The following STK31 variants were observed in gnomAD, a reference collection of about 807,000 sequenced individuals.
STK31 encodes the protein serine/threonine-protein kinase 31.
In STK31, 89 loss-of-function variants were observed where a neutral mutation model predicts 129.7. The observed-to-expected ratio is 0.69, with a 90% CI of 0.58 to 0.82. The LOEUF (loss-of-function observed/expected upper bound fraction) is 0.82. Ranked by LOEUF, STK31 falls within the 40% of genes least tolerant of loss-of-function variation. The pLI is 0.00. For missense variants in STK31, 1,187 were observed against 1,176.4 expected, an observed-to-expected ratio of 1.01 and a Z score of -0.13; for synonymous variants, 448 against 395.3, an observed-to-expected ratio of 1.13 and a Z score of -1.58.
At chr7:23,774,146 G>A (rs990212008) in intron 15 of STK31, among the ~76,000 whole-genome samples, 2 of 152,192 alleles carry the variant, frequency 1.3e-5, no homozygotes, top group Admixed American at 1.3e-4. Context: ...ATTCCATGGT[G>A]TATATGTGCC....
At chr7:23,754,279 T>TATTG in intron 9 of STK31, 36 bp from the exon 10 acceptor site, 1 of 1,592,550 alleles carries the variant, frequency 6.3e-7, no homozygotes, top group Non-Finnish European at 8.5e-7. Context: ...CTTTCTAATT[T>TATTG]ATTGATCTTC....
chr7:23,825,427 G>T lies in STK31; in HGVS notation c.2830-6709G>T, dbSNP rs529835272. On this transcript the variant is annotated intron_variant, in intron 23 of 23. Coordinates refer to ENST00000355870, the MANE Select transcript of STK31 (RefSeq NM_031414.5). ...TTCTCTGATGGTAGTTTGTATTTCT[G>T]TGGGATCACTGGTGATATCCCCTTT... 2.6e-5 allele frequency among the ~76,000 whole-genome samples: 4 copies of T among 152,218 alleles called. No homozygotes were observed. In the South Asian group the frequency reaches 8.3e-4, roughly 32 times the overall value.
At chr7:23,809,873 T>A (rs1584483322) in intron 22 of STK31, among the ~76,000 whole-genome samples, 1 of 152,316 alleles carries the variant, frequency 6.6e-6, no homozygotes, top group East Asian at 1.9e-4. Flanking sequence ...ATATATCATC[T>A]AGGTTTGTGT....
At chr7:23,772,030 ATT>A in intron 14 of STK31, 115 bp from the exon 15 acceptor site, 1 of 638,648 alleles carries the variant, frequency 1.6e-6, no homozygotes. Flanking sequence ...TTTTCTTGGT[ATT>A]TCAGTCTGAA....
At chr7:23,807,877 A>G (rs979837726) in intron 22 of STK31, among the ~76,000 whole-genome samples, 5 of 151,850 alleles carry the variant, frequency 3.3e-5, no homozygotes, top group Non-Finnish European at 7.4e-5. Flanking sequence ...CTGTTATAAA[A>G]TTTCCAATTG....
At chr7:23,788,189 G>A (rs1791414094) in intron 21 of STK31, 60 bp downstream of exon 21, 1 of 1,417,018 alleles carries the variant, frequency 7.1e-7, no homozygotes, top group Non-Finnish European at 9.5e-7. Context: ...TTAAGCAGTA[G>A]TTCAGCACTT....
At chr7:23,761,423 C>CTT (rs11326557) in intron 10 of STK31, among the ~76,000 whole-genome samples, 12 of 136,876 alleles carry the variant, frequency 8.8e-5, no homozygotes, top group Non-Finnish European at 1.3e-4. Context: ...TGGCCATATG[C>CTT]TTTTTTTTTT....
At chr7:23,823,826 T>A (rs1032948147) in intron 23 of STK31, among the ~76,000 whole-genome samples, 2 of 152,210 alleles carry the variant, frequency 1.3e-5, no homozygotes, top group African/African-American at 4.8e-5. Context: ...GGCTAGCCAG[T>A]GGTCCCAGCA....
chr7:23,788,469 C>T (rs7782389), intron 21 of STK31, among the ~76,000 whole-genome samples: 64,115 of 151,938 alleles, frequency 0.42, 13,857 homozygotes, highest in Admixed American at 0.52. Flanking sequence ...GGTGTCCCTC[C>T]GTCTATAGAT....
intron 7 of STK31, among the ~76,000 whole-genome samples, chr7:23,736,571 G>A (rs1288892073): frequency 2.6e-5 from 3 of 117,572 alleles, no homozygotes; most frequent in Non-Finnish European, 5.2e-5. Context: ...GGGATCACAG[G>A]ACGGGGGGAT....
chr7:23,745,886 A>G (rs1413844416), intron 8 of STK31, among the ~76,000 whole-genome samples: 1 of 152,144 alleles, frequency 6.6e-6, no homozygotes, highest in East Asian at 1.9e-4. Flanking sequence ...ATTCTGTGGC[A>G]GCAGCAGCCA....
Position 23,811,402 on chromosome 7 carries a change from T to C in STK31, c.2761-3742T>C, listed in dbSNP as rs551618697. 1.9e-4 allele frequency: 63 copies of C among 338,174 alleles called. 2 individuals carry two copies. Among genetic ancestry groups the C allele is most frequent in the South Asian group, 8.2e-4 (27 of 32,822 alleles). The allele number at this position is 338,174 out of a possible 1,614,324, so 20.9% of individuals were successfully genotyped here. A position where few individuals can be genotyped will look rare whatever the true frequency, so the allele number is the denominator to read the frequency against. ...AATCTTTCATATACATCTTGTAGGCTTCTTTTATGAAGCCAGCTTGCTGCA... is the reference window on the plus strand; with the variant it reads ...AATCTTTCATATACATCTTGTAGGCCTCTTTTATGAAGCCAGCTTGCTGCA... On this transcript the variant is annotated intron_variant, in intron 22 of 23. Transcript: ENST00000355870.
At chr7:23,712,466 A>T (rs1786032044) in intron 3 of STK31, among the ~76,000 whole-genome samples, 180 bp downstream of exon 3, 1 of 152,162 alleles carries the variant, frequency 6.6e-6, no homozygotes, top group African/African-American at 2.4e-5. Context: ...ATGTTACTTG[A>T]CTCATTATGA....
intron 22 of STK31, among the ~76,000 whole-genome samples, chr7:23,792,155 A>ACT (rs1791658496): frequency 1.3e-4 from 20 of 152,236 alleles, no homozygotes; most frequent in Admixed American, 1.3e-3. Context: ...GGTCAAAAAA[A>ACT]GAAATAAAAG....
intron 23 of STK31, among the ~76,000 whole-genome samples, chr7:23,820,936 A>G (rs933695514): frequency 4.6e-5 from 7 of 152,152 alleles, no homozygotes; most frequent in African/African-American, 1.7e-4. Context: ...CCATTTGTCC[A>G]TTGATGGACG....
At chr7:23,728,826 C>A (rs1051551767) in intron 5 of STK31, among the ~76,000 whole-genome samples, 5 of 151,894 alleles carry the variant, frequency 3.3e-5, no homozygotes, top group Admixed American at 3.3e-4. Context: ...TATCAATTGT[C>A]TAAAAACAAA....
intron 4 of STK31, among the ~76,000 whole-genome samples, chr7:23,723,214 T>C (rs1270434943): frequency 2.6e-5 from 4 of 152,200 alleles, no homozygotes; most frequent in African/African-American, 9.7e-5. Flanking sequence ...TCTCTCCTCT[T>C]TTCTTTATAA....
chr7:23,798,256 C>T (rs57174181), intron 22 of STK31, among the ~76,000 whole-genome samples: 36,326 of 152,030 alleles, frequency 0.24, 4,933 homozygotes, highest in East Asian at 0.39. Context: ...TTTATGAGGC[C>T]GGCATCATCC....
At chr7:23,811,488 TG>T in intron 22 of STK31, 2 of 290,882 alleles carry the variant, frequency 6.9e-6, no homozygotes, top group Non-Finnish European at 7.1e-6. Flanking sequence ...CCTTCACCCT[TG>T]GGTCCTTCAG....
Sources: allele counts gnomAD v4.1 joint callset (sites outside exome capture counted in the v4.1 genomes callset), GRCh38; gene constraint gnomAD v4.1.1; transcripts MANE v1.5; gene names NCBI Gene and HGNC (gene_info 2026-07-23, HGNC 2026-07-21).